NDST4: variants seen among roughly 807,000 people sequenced by gnomAD.
The protein encoded by NDST4 is N-deacetylase and N-sulfotransferase 4, also known as N-heparan sulfate sulfotransferase 4.
A neutral mutation model predicts 100.8 loss-of-function variants in NDST4; 63 were observed. That is an observed-to-expected ratio of 0.62 (90% CI 0.51 to 0.77). The LOEUF (loss-of-function observed/expected upper bound fraction) is 0.77, where lower values mean the gene tolerates loss of function less well. Ranked by LOEUF, NDST4 falls within the 30% of genes least tolerant of loss-of-function variation. The pLI is 0.00. For missense variants in NDST4, 943 were observed against 1,018.4 expected, an observed-to-expected ratio of 0.93 and a Z score of 1.01; for synonymous variants, 377 against 361.8, an observed-to-expected ratio of 1.04 and a Z score of -0.48.
At chr4:114,866,930 C>T (rs919293973) in intron 7 of NDST4, among the ~76,000 whole-genome samples, 4 of 152,122 alleles carry the variant, frequency 2.6e-5, no homozygotes, top group African/African-American at 9.7e-5. Flanking sequence ...GGAGTTACCC[C>T]TGAAATTTCA....
rs1373563015 is a variant in NDST4 at position 114,970,625 on chromosome 4, C to A, written c.1067-41G>T. The stretch of plus-strand genomic sequence containing the variant: ...TTAAAAATAACTTTAGTGAAAATTT[C>A]TTACTATCTTAAAGGTTATTTTTGT... On this transcript the variant is annotated intron_variant, in intron 3 of 13. Coordinates refer to ENST00000264363, the MANE Select transcript of NDST4 (RefSeq NM_022569.3). The A allele has an allele frequency of 4.5e-6, 7 of 1,549,428 alleles. No homozygotes were observed. The East Asian group carries it at 1.4e-4, about 31-fold the overall frequency.
At chr4:115,022,575 G>T (rs1382000863) in intron 2 of NDST4, among the ~76,000 whole-genome samples, 1 of 149,088 alleles carries the variant, frequency 6.7e-6, no homozygotes, top group African/African-American at 2.5e-5. Flanking sequence ...GGCATTCGCA[G>T]CAACGTGGAT....
chr4:115,088,502 T>G (rs1265871798), intron 1 of NDST4, among the ~76,000 whole-genome samples: 1 of 151,976 alleles, frequency 6.6e-6, no homozygotes, highest in Non-Finnish European at 1.5e-5. Context: ...GGTATCTGAA[T>G]GGCTTCAGTC....
chr4:114,914,220 T>C (rs563012803), intron 6 of NDST4, among the ~76,000 whole-genome samples: 1 of 152,136 alleles, frequency 6.6e-6, no homozygotes, highest in East Asian at 1.9e-4. Flanking sequence ...GTGGGGATAA[T>C]TAATGGGTAC....
chr4:115,006,628 T>C (rs1727423584), intron 2 of NDST4, among the ~76,000 whole-genome samples: 1 of 152,118 alleles, frequency 6.6e-6, no homozygotes, highest in African/African-American at 2.4e-5. Context: ...TGGGAAAAGA[T>C]GACGGTATCT....
chr4:115,112,208 A>G (rs1039525178), intron 1 of NDST4, among the ~76,000 whole-genome samples: 1 of 151,700 alleles, frequency 6.6e-6, no homozygotes, highest in South Asian at 2.1e-4. Flanking sequence ...ATGAAAAAAA[A>G]AAAAAAACCT....
chr4:114,913,149 T>G (rs1019664370), intron 6 of NDST4, among the ~76,000 whole-genome samples: 2 of 152,114 alleles, frequency 1.3e-5, no homozygotes, highest in East Asian at 3.9e-4. Flanking sequence ...ATTATATTTT[T>G]TTTCAAAAAT....
intron 10 of NDST4, among the ~76,000 whole-genome samples, chr4:114,843,541 C>G (rs1032184399): frequency 2.6e-5 from 4 of 152,148 alleles, no homozygotes; most frequent in African/African-American, 9.7e-5. Context: ...TTTCTTCACC[C>G]CTAATTACTT....
chr4:114,975,164 C>T (rs1311710977), intron 3 of NDST4, among the ~76,000 whole-genome samples: 1 of 152,070 alleles, frequency 6.6e-6, no homozygotes, highest in East Asian at 1.9e-4. Context: ...CCAGAAGAAA[C>T]TTTGATATCC....
At chr4:115,025,343 C>T (rs78923930) in intron 2 of NDST4, among the ~76,000 whole-genome samples, 2,180 of 152,206 alleles carry the variant, frequency 0.014, 52 homozygotes, top group African/African-American at 0.047. Context: ...TTATGCTACT[C>T]GGATTTGACA....
At chr4:115,070,770 T>C (rs961191399) in intron 2 of NDST4, among the ~76,000 whole-genome samples, 1 of 152,108 alleles carries the variant, frequency 6.6e-6, no homozygotes, top group African/African-American at 2.4e-5. Flanking sequence ...GCCAATTATA[T>C]CTAAGTATTA....
intron 2 of NDST4, among the ~76,000 whole-genome samples, chr4:115,043,592 G>A (rs916446006): frequency 7.2e-5 from 11 of 152,002 alleles, no homozygotes; most frequent in African/African-American, 1.4e-4. Context: ...CGAAAGAGAC[G>A]GAGTGGAATC....
chr4:115,098,041 T>A lies in NDST4; in HGVS notation c.-247+15403A>T, dbSNP rs193301857. ...AAATTGCAAGCTCCCTCCTTACACT[T>A]CCTAAACCCTGCTTGGTTGTGTGTG... On this transcript the variant is annotated intron_variant, in intron 1 of 13. Coordinates refer to ENST00000264363, the MANE Select transcript of NDST4 (RefSeq NM_022569.3). Among the ~76,000 whole-genome samples the A allele has an allele frequency of 3.7e-3, 567 of 152,274 alleles. 3 individuals carry two copies. The highest frequency in any genetic ancestry group is 6.7e-3 in the Non-Finnish European group (458 of 68,010).
At chr4:115,031,672 C>T (rs1728118947) in intron 2 of NDST4, among the ~76,000 whole-genome samples, 1 of 152,082 alleles carries the variant, frequency 6.6e-6, no homozygotes, top group Admixed American at 6.6e-5. Flanking sequence ...AAGTAGAAAT[C>T]ACCTTTCTCT....
intron 2 of NDST4, among the ~76,000 whole-genome samples, chr4:115,067,461 T>G (rs1339366748): frequency 6.6e-6 from 1 of 152,108 alleles, no homozygotes; most frequent in Non-Finnish European, 1.5e-5. Context: ...TGTACTAACG[T>G]TCATAGGATA....
At chr4:115,109,010 G>A (rs558717) in intron 1 of NDST4, among the ~76,000 whole-genome samples, 119,599 of 151,032 alleles carry the variant, frequency 0.79, 48,204 homozygotes, top group African/African-American at 0.94. Context: ...AAGCAAGAAG[G>A]AAGAAGGAAG....
intron 1 of NDST4, among the ~76,000 whole-genome samples, chr4:115,085,165 T>G (rs1487468921): frequency 6.6e-6 from 1 of 152,182 alleles, no homozygotes; most frequent in East Asian, 1.9e-4. Context: ...ACTGCCCTAT[T>G]GGATTTCAGA....
At chr4:115,049,115 T>C (rs554790766) in intron 2 of NDST4, among the ~76,000 whole-genome samples, 29 of 152,306 alleles carry the variant, frequency 1.9e-4, no homozygotes, top group African/African-American at 7.0e-4. Context: ...ACCACTTGAC[T>C]TGTAACAGAA....
At chr4:114,977,530 A>C (rs569650482) in intron 2 of NDST4, among the ~76,000 whole-genome samples, 24 of 152,088 alleles carry the variant, frequency 1.6e-4, no homozygotes, top group African/African-American at 4.3e-4. Context: ...GTCCAACTCC[A>C]CAGCACTGAA....
Sources: gnomAD v4.1 joint callset for allele counts (sites outside exome capture counted in the v4.1 genomes callset) on GRCh38, gnomAD v4.1.1 for gene constraint, MANE v1.5 for transcripts, NCBI Gene and HGNC (gene_info 2026-07-23, HGNC 2026-07-21) for gene names.